RIMKLB: variants seen among roughly 807,000 people sequenced by gnomAD.
The protein encoded by RIMKLB is beta-citrylglutamate synthase B.
RIMKLB carries 7 observed loss-of-function variants against 32.0 expected under a neutral mutation model. The ratio of observed to expected loss-of-function variants is 0.22; its 90% CI spans 0.12 to 0.41. The LOEUF (loss-of-function observed/expected upper bound fraction) is 0.41, where lower values mean the gene tolerates loss of function less well. Ranked by LOEUF, RIMKLB falls within the 10% of genes least tolerant of loss-of-function variation. RIMKLB has a pLI of 1.00. For missense variants in RIMKLB, 289 were observed against 498.7 expected (o/e 0.58, Z 4.00); for synonymous variants, 172 against 185.1 (o/e 0.93, Z 0.57).
chr12:8,712,565 A>G (rs957962837), intron 1 of RIMKLB, among the ~76,000 whole-genome samples: 11 of 152,228 alleles, frequency 7.2e-5, no homozygotes, highest in African/African-American at 2.4e-4. Context: ...CTTGTTTAAC[A>G]GAGACTTAGG....
intron 2 of RIMKLB, among the ~76,000 whole-genome samples, chr12:8,748,419 A>G (rs1948297263): frequency 6.6e-6 from 1 of 151,984 alleles, no homozygotes; most frequent in Admixed American, 6.6e-5. Context: ...GTGTATAGGA[A>G]AAAAAACAGT....
In RIMKLB at chr12:8,777,073, G is replaced by C; in HGVS notation, c.*3289G>C. 1.0e-6 allele frequency: 1 copy of C among 985,854 alleles called. No individual in the cohort carries two copies. The highest frequency in any genetic ancestry group is 1.2e-6 in the Non-Finnish European group (1 of 829,986). The allele number at this position is 985,854 out of a possible 1,614,324, so 61.1% of individuals were successfully genotyped here. A position where few individuals can be genotyped will look rare whatever the true frequency, so the allele number is the denominator to read the frequency against. ...CCTCCTAAGAAAATGTAGGTGCTCA[G>C]ACAGGTAACCACTGCTGCTACTGTT... is the stretch of plus-strand genomic sequence containing the variant. On this transcript the variant is annotated 3_prime_UTR_variant, in exon 6 of 6. Coordinates refer to ENST00000535829, the MANE Select transcript of RIMKLB (RefSeq NM_001297776.2).
At chr12:8,720,642 C>T (rs964816124) in intron 2 of RIMKLB, among the ~76,000 whole-genome samples, 10 of 152,262 alleles carry the variant, frequency 6.6e-5, no homozygotes, top group African/African-American at 2.2e-4. Flanking sequence ...CGGGTTCAAG[C>T]GATTCTCCTG....
At chr12:8,719,240 C>T (rs2137055821) in intron 2 of RIMKLB, among the ~76,000 whole-genome samples, 1 of 152,234 alleles carries the variant, frequency 6.6e-6, no homozygotes. Flanking sequence ...CTTGAGAGCT[C>T]ATTTCTTCTA....
At chr12:8,711,229 A>G (rs1297099666) in intron 1 of RIMKLB, among the ~76,000 whole-genome samples, 4 of 148,236 alleles carry the variant, frequency 2.7e-5, no homozygotes, top group South Asian at 2.1e-4. Flanking sequence ...GCAAGACTCC[A>G]TCTCAAGGAA....
At chr12:8,744,219 C>T (rs1007554279) in intron 2 of RIMKLB, among the ~76,000 whole-genome samples, 2 of 151,954 alleles carry the variant, frequency 1.3e-5, no homozygotes, top group African/African-American at 4.9e-5. Flanking sequence ...GGCTCACATT[C>T]ATCTTTCCAG....
chr12:8,778,370 T>A (rs1950856279), downstream of RIMKLB, among the ~76,000 whole-genome samples: 1 of 152,204 alleles, frequency 6.6e-6, no homozygotes, highest in African/African-American at 2.4e-5. Context: ...ACAAAAAAAT[T>A]TAGTTCTTTT....
the RIMKLB span, among the ~76,000 whole-genome samples, chr12:8,672,071 G>A: frequency 6.6e-6 from 1 of 152,196 alleles, no homozygotes; most frequent in African/African-American, 2.4e-5. Context: ...GGGGCAAAAT[G>A]CCACCAGTCT....
the RIMKLB span, among the ~76,000 whole-genome samples, chr12:8,676,262 C>T: frequency 6.6e-6 from 1 of 151,496 alleles, no homozygotes; most frequent in African/African-American, 2.4e-5. Context: ...TTTGTAGAGA[C>T]AGGTTTTCAC....
At position 8,774,778 on chromosome 12, in the gene RIMKLB, G is replaced by A. The variant is rs907005695; in HGVS notation, c.*994G>A. The stretch of plus-strand genomic sequence containing the variant: ...AGGACAAGGAAAAATATTTTTGGGG[G>A]CAAATCAAGAGCCTATGAGTTCTAA... On this transcript the variant is annotated 3_prime_UTR_variant, in exon 6 of 6. Coordinates refer to ENST00000535829, the MANE Select transcript of RIMKLB (RefSeq NM_001297776.2). The A allele has an allele frequency of 1.8e-5, 18 of 985,386 alleles. No individual in the cohort carries two copies. In the African/African-American group the frequency reaches 3.0e-4, roughly 16 times the overall value. 61.0% of individuals were successfully genotyped at this position (985,386 alleles called of 1,614,324 possible).
At chr12:8,695,670 T>A (rs562613609), upstream of RIMKLB, among the ~76,000 whole-genome samples, 5 of 151,470 alleles carry the variant, frequency 3.3e-5, no homozygotes, top group Non-Finnish European at 5.9e-5. Flanking sequence ...GTATGGCACA[T>A]AGAAGCAATA....
At chr12:8,760,541 C>T (rs1017833477) in intron 5 of RIMKLB, among the ~76,000 whole-genome samples, 1 of 152,254 alleles carries the variant, frequency 6.6e-6, no homozygotes, top group African/African-American at 2.4e-5. Context: ...AATGGTTGAA[C>T]TACTTTACAG....
intron 2 of RIMKLB, 23 bp downstream of exon 2, chr12:8,714,064 C>G (rs2136959304): frequency 6.2e-7 from 1 of 1,605,148 alleles, no homozygotes; most frequent in Non-Finnish European, 8.5e-7. Flanking sequence ...ACTAAGTGAT[C>G]TTTTGGATTT....
At position 8,713,803 on chromosome 12, in the gene RIMKLB, C is replaced by G; in HGVS notation, c.-56-8C>G. On this transcript the variant is annotated splice_region_variant and splice_polypyrimidine_tract_variant and intron_variant, in intron 1 of 5. Transcript: ENST00000535829. Reference sequence around the variant, plus strand: ...TTACCTTTTATGTATATTTTTTCTTCCATCTAGGTAGACGTTACATCCAAG... The same window carrying G: ...TTACCTTTTATGTATATTTTTTCTTGCATCTAGGTAGACGTTACATCCAAG... 6.7e-7 allele frequency: 1 copy of G among 1,502,662 alleles called. No individual in the cohort carries two copies. The highest frequency in any genetic ancestry group is 1.1e-5 in the South Asian group (1 of 87,540). The allele number at this position is 1,502,662 out of a possible 1,614,324, so 93.1% of individuals were successfully genotyped here. A position where few individuals can be genotyped will look rare whatever the true frequency, so the allele number is the denominator to read the frequency against.
intron 2 of RIMKLB, among the ~76,000 whole-genome samples, chr12:8,748,519 C>CGTGTGTGTGTGTGTGT (rs58187682): frequency 1.3e-4 from 17 of 131,286 alleles, no homozygotes; most frequent in African/African-American, 4.8e-4. Context: ...TGGGATTATT[C>CGTGTGTGTGTGTGTGT]GTGTGTGTGT....
upstream of RIMKLB, among the ~76,000 whole-genome samples, chr12:8,694,523 A>G (rs1942831863): frequency 6.7e-6 from 1 of 150,196 alleles, no homozygotes; most frequent in South Asian, 2.1e-4. Flanking sequence ...CCTCCCCAGT[A>G]GCTGGGATTA....
intron 2 of RIMKLB, among the ~76,000 whole-genome samples, chr12:8,720,477 C>A (rs1204613748): frequency 1.3e-5 from 2 of 152,158 alleles, no homozygotes; most frequent in Non-Finnish European, 2.9e-5. Flanking sequence ...GAATTAAAGA[C>A]TATAAACTAT....
chr12:8,701,063 CAAAAAAA>C (rs11460312), intron 1 of RIMKLB, among the ~76,000 whole-genome samples: 11 of 148,232 alleles, frequency 7.4e-5, no homozygotes, highest in Non-Finnish European at 3.0e-5. Context: ...AAGACTGTCT[CAAAAAAA>C]AAGAAAAAAG....
chr12:8,740,602 C>G (rs769430256), intron 2 of RIMKLB, among the ~76,000 whole-genome samples: 1 of 152,356 alleles, frequency 6.6e-6, no homozygotes, highest in South Asian at 2.1e-4. Context: ...TTTGACTTTT[C>G]TTTCCTGAAT....
Sources: allele counts gnomAD v4.1 joint callset (sites outside exome capture counted in the v4.1 genomes callset), GRCh38; gene constraint gnomAD v4.1.1; transcripts MANE v1.5; gene names NCBI Gene and HGNC (gene_info 2026-07-23, HGNC 2026-07-21).